GATA3: variants seen among roughly 807,000 people sequenced by gnomAD.
GATA3 encodes the protein GATA binding protein 3.
In GATA3, 6 loss-of-function variants were observed where a neutral mutation model predicts 36.0. The observed-to-expected ratio is 0.17, with a 90% CI of 0.09 to 0.33. The LOEUF (loss-of-function observed/expected upper bound fraction) is 0.33, where lower values mean the gene tolerates loss of function less well. GATA3 is among the 10% of genes least tolerant of loss of function. The probability of loss-of-function intolerance (pLI) is 1.00; values close to 1 mark genes in which losing one functional copy is unlikely to be tolerated. For synonymous variants in GATA3, 326 were observed against 273.0 expected (o/e 1.19, Z -1.92); for missense variants, 514 against 610.1 (o/e 0.84, Z 1.66).
intron 2 of GATA3, among the ~76,000 whole-genome samples, chr10:8,056,839 G>T (rs1208271348): frequency 1.3e-5 from 2 of 152,012 alleles, no homozygotes; most frequent in Non-Finnish European, 2.9e-5. Context: ...AAAAAAGATC[G>T]AACACTTTCC....
At chr10:8,065,252 C>CTTTTTTTTTTTTT (rs34193161) in intron 4 of GATA3, among the ~76,000 whole-genome samples, 1 of 92,096 alleles carries the variant, frequency 1.1e-5, no homozygotes. Context: ...GAAAAACTTT[C>CTTTTTTTTTTTTT]TTTTTTTTTT....
chr10:8,066,676 G>C (rs1279983459), intron 4 of GATA3, among the ~76,000 whole-genome samples: 1 of 152,098 alleles, frequency 6.6e-6, no homozygotes, highest in East Asian at 1.9e-4. Flanking sequence ...AGAGATGACC[G>C]AAGGGAAGAC....
At chr10:8,051,011 G>A (rs577660653), upstream of GATA3, 2 of 514,854 alleles carry the variant, frequency 3.9e-6, no homozygotes, top group Non-Finnish European at 4.0e-6. Flanking sequence ...GCCCGGCCGC[G>A]AGCATCTCCG....
At chr10:8,048,436 C>A (rs12257016) in intron 1 of GATA3, among the ~76,000 whole-genome samples, 2 of 152,198 alleles carry the variant, frequency 1.3e-5, no homozygotes, top group African/African-American at 4.8e-5. Context: ...GGTGCTATAG[C>A]GGTGTGGCTG....
chr10:8,058,998 T>C (rs1162070968), intron 3 of GATA3, among the ~76,000 whole-genome samples, 157 bp downstream of exon 3: 1 of 152,236 alleles, frequency 6.6e-6, no homozygotes, highest in Non-Finnish European at 1.5e-5. Context: ...AGGCACTGCA[T>C]GTCCTCCCAT....
chr10:8,057,814 G>A (rs528070974), intron 2 of GATA3, among the ~76,000 whole-genome samples: 1 of 152,266 alleles, frequency 6.6e-6, no homozygotes, highest in African/African-American at 2.4e-5. Context: ...GTGTGGAGCA[G>A]TTGTGTGGCC....
At position 8,073,953 on chromosome 10, in the gene GATA3, C is replaced by G. The variant is rs771315353; in HGVS notation, c.1265C>G (p.Pro422Arg). 7 of 1,614,030 alleles carry G rather than the reference C, an allele frequency of 4.3e-6. No homozygotes were observed. Among genetic ancestry groups the G allele is most frequent in the Non-Finnish European group, 5.1e-6 (6 of 1,180,030 alleles). ...HSSHMLTTPT[P>R]MHPPSSLSFG... ...AGCCACATGCTGACCACGCCCACGC[C>G]GATGCACCCGCCATCCAGCCTGTCC... Residue 422 changes from proline (P) to arginine (R), a missense_variant, in exon 6 of 6, where the codon CCG becomes CGG. Physicochemically the swap from Pro to Arg is moderately radical, Grantham distance 103. This residue lies in a region of GATA3 where 89 missense variants were observed against 104.2 expected (regional missense o/e 0.85). Transcript: ENST00000379328.
At chr10:8,070,120 A>G (rs1383675965) in intron 5 of GATA3, among the ~76,000 whole-genome samples, 1 of 152,246 alleles carries the variant, frequency 6.6e-6, no homozygotes, top group Non-Finnish European at 1.5e-5. Context: ...TATAAAAGAC[A>G]TGGAAAAAAA....
Position 8,055,961 on chromosome 10 carries a change from G to A in GATA3, c.241+65G>A, listed in dbSNP as rs1456979039. 3 of 1,545,084 alleles carry A rather than the reference G, an allele frequency of 1.9e-6. No homozygotes were observed. The South Asian group carries it at 3.6e-5, about 18-fold the overall frequency. On this transcript the variant is annotated intron_variant, in intron 2 of 5. Transcript: ENST00000379328. This position sits in a 1 kb window ranked among gnomAD's most constrained non-coding sequence, Gnocchi z 5.4. ...TCAGCCGTCCCGGCTCGGGGAGGTC[G>A]GGAGGGACCTGAGGGCGGGGAGAGG...
intron 2 of GATA3, among the ~76,000 whole-genome samples, chr10:8,057,567 C>T (rs894478850): frequency 6.6e-6 from 1 of 152,244 alleles, no homozygotes; most frequent in South Asian, 2.1e-4. Flanking sequence ...GTGAGAAAAG[C>T]AGAGAAAATG....
At position 8,058,771 on chromosome 10, in the gene GATA3, C is replaced by T. The variant is rs143582578; in HGVS notation, c.708C>T (p.Pro236=). ...VPEYSSGLFP[P]SSLLGGSPTG... is the part of the protein sequence containing the mutation. ...AGTACAGCTCCGGACTCTTCCCCCC[C>T]AGCAGCCTGCTGGGCGGCTCCCCCA... The change falls in exon 3 of 6, where the codon CCC becomes CCT. Residue 236 remains proline, a synonymous_variant. Transcript: ENST00000379328. 8 of 1,610,480 alleles carry T rather than the reference C, an allele frequency of 5.0e-6. No individual in the cohort carries two copies. The African/African-American group carries it at 8.0e-5, about 16-fold the overall frequency.
chr10:8,056,112 T>A (rs1232506593), intron 2 of GATA3, among the ~76,000 whole-genome samples: 1 of 152,096 alleles, frequency 6.6e-6, no homozygotes, highest in Non-Finnish European at 1.5e-5. Context: ...CAGGCGCCTC[T>A]CCCGGCTGGT....
rs1832792712 is a variant in GATA3, at chr10:8,064,066, G to C, written c.852G>C (p.Leu284=). The C allele has an allele frequency of 6.2e-7, 1 of 1,614,028 alleles. No individual in the cohort carries two copies. The highest frequency in any genetic ancestry group is 1.1e-5 in the South Asian group (1 of 91,086). Residue 284 remains leucine (L), a synonymous_variant, in exon 4 of 6, where the codon CTG becomes CTC. Transcript: ENST00000379328. ...LWRRDGTGHY[L]CNACGLYHKM... ...GGCGAGATGGCACGGGACACTACCT[G>C]TGCAACGCCTGCGGGCTCTATCACA...
intron 3 of GATA3, among the ~76,000 whole-genome samples, chr10:8,062,174 C>G (rs577235500): frequency 9.8e-5 from 15 of 152,312 alleles, no homozygotes; most frequent in African/African-American, 2.6e-4. Context: ...GGGTGTGATT[C>G]AGGCCTGAGC....
chr10:8,049,703 C>G (rs11255501), upstream of GATA3, among the ~76,000 whole-genome samples: 3 of 152,160 alleles, frequency 2.0e-5, no homozygotes, highest in East Asian at 5.8e-4. Context: ...CTTGCGCGGC[C>G]AGGGTAACCT....
Position 8,055,980 on chromosome 10 carries a change from G to C in GATA3, c.241+84G>C. 6.5e-7 allele frequency: 1 copy of C among 1,527,612 alleles called. No homozygotes were observed. The highest frequency in any genetic ancestry group is 8.9e-7 in the Non-Finnish European group (1 of 1,127,986). 94.6% of individuals were successfully genotyped at this position (1,527,612 alleles called of 1,614,324 possible). ...GAGGTCGGGAGGGACCTGAGGGCGG[G>C]GAGAGGTCAAGCGAAAGCCCCCATC... On this transcript the variant is annotated intron_variant, in intron 2 of 5. Transcript: ENST00000379328. This position sits in a 1 kb window ranked among gnomAD's most constrained non-coding sequence, Gnocchi z 5.4.
chr10:8,059,428 C>G (rs1832711437), intron 3 of GATA3, among the ~76,000 whole-genome samples: 1 of 152,200 alleles, frequency 6.6e-6, no homozygotes, highest in Admixed American at 6.5e-5. Context: ...CTCAGCTGAA[C>G]TGGGAGAAAG....
At chr10:8,059,230 C>T (rs1832707727) in intron 3 of GATA3, among the ~76,000 whole-genome samples, 1 of 152,188 alleles carries the variant, frequency 6.6e-6, no homozygotes. Flanking sequence ...ACGAAACCTC[C>T]TCAAGCCTAA....
At chr10:8,073,140 G>A (rs111473792) in intron 5 of GATA3, among the ~76,000 whole-genome samples, 2,644 of 75,882 alleles carry the variant, frequency 0.035, 35 homozygotes, top group Middle Eastern at 0.11. Flanking sequence ...GGGAGACTTC[G>A]TCTCAAAAAA....
Sources: gnomAD v4.1 joint callset for allele counts (sites outside exome capture counted in the v4.1 genomes callset) on GRCh38, gnomAD v4.1.1 for gene constraint, gnomAD v4.1.1 regional missense constraint, Gnocchi (gnomAD v3.1) non-coding constraint, MANE v1.5 for transcripts, NCBI Gene and HGNC (gene_info 2026-07-23, HGNC 2026-07-21) for gene names.